Variants in GFM2 observed in about 807,000 individuals in gnomAD.
GFM2 encodes the protein GTP dependent ribosome recycling factor mitochondrial 2.
Under a neutral mutation model 95.4 loss-of-function variants are expected in GFM2, and 72 were observed. The observed-to-expected ratio is 0.76, with a 90% CI of 0.62 to 0.92. GFM2 has a LOEUF of 0.92. Ranked by LOEUF, GFM2 falls within the 40% of genes least tolerant of loss-of-function variation. The probability of loss-of-function intolerance (pLI) is 0.00; values close to 1 mark genes in which losing one functional copy is unlikely to be tolerated. For synonymous variants in GFM2, 276 were observed against 317.5 expected, an observed-to-expected ratio of 0.87 and a Z score of 1.39; for missense variants, 825 against 924.1, an observed-to-expected ratio of 0.89 and a Z score of 1.39.
chr5:74,756,988 G>A (rs1473102777), intron 5 of GFM2, among the ~76,000 whole-genome samples: 2 of 151,696 alleles, frequency 1.3e-5, no homozygotes, highest in African/African-American at 2.4e-5. Context: ...TTGGGTAATG[G>A]GTGCACCAAA....
chr5:74,722,600 T>C (rs375349328), intron 19 of GFM2, 39 bp from the exon 20 acceptor site: 29 of 1,523,236 alleles, frequency 1.9e-5, no homozygotes, highest in Non-Finnish European at 2.5e-5. Context: ...CTTTCATAAA[T>C]AAAAACTTAA....
At chr5:74,742,672 CT>C (rs112221111) in intron 10 of GFM2, among the ~76,000 whole-genome samples, 201 of 146,600 alleles carry the variant, frequency 1.4e-3, no homozygotes, top group Middle Eastern at 3.5e-3. Flanking sequence ...CCATTGTACT[CT>C]TTTTTTTTTT....
Position 74,746,301 on chromosome 5 carries a change from C to T in GFM2, c.609-136G>A, listed in dbSNP as rs544064339. 1,153 of 460,508 alleles carry T rather than the reference C, an allele frequency of 2.5e-3. 6 individuals are homozygous for T. Among genetic ancestry groups the T allele is most frequent in the Non-Finnish European group, 3.8e-3 (1,002 of 265,626 alleles). The allele number at this position is 460,508 out of a possible 1,614,324, so 28.5% of individuals were successfully genotyped here. A position where few individuals can be genotyped will look rare whatever the true frequency, so the allele number is the denominator to read the frequency against. ...TTAACTCACTTTATTCTCCTTAACG[C>T]TCACTATTTAACAGTTTTCCATAGG... is the stretch of plus-strand genomic sequence containing the variant. On this transcript the variant is annotated intron_variant, in intron 8 of 20. Transcript: ENST00000296805.
At chr5:74,759,034 T>C in intron 4 of GFM2, 88 bp from the exon 5 acceptor site, 1 of 771,190 alleles carries the variant, frequency 1.3e-6, no homozygotes, top group Non-Finnish European at 2.2e-6. Context: ...CTGGTATTTC[T>C]ATAATTTATA....
At chr5:74,734,256 T>C (rs62366376) in intron 15 of GFM2, among the ~76,000 whole-genome samples, 20,671 of 152,030 alleles carry the variant, frequency 0.14, 1,699 homozygotes, top group Admixed American at 0.2. Flanking sequence ...ATATTAATAA[T>C]TTTAATATTG....
rs1048167 is a variant in GFM2 at position 74,721,674 on chromosome 5, C to A, written c.2321G>T (p.Arg774Leu). ...NPQDQNTLLN[R>L]RSGLT ...AAACATTTAGGTCAAACCACTTCTCCGGTTGAGCAGTGTATTTTGATCTTG... is the reference window on the plus strand; with the variant it reads ...AAACATTTAGGTCAAACCACTTCTCAGGTTGAGCAGTGTATTTTGATCTTG... The change falls in exon 21 of 21, where the codon CGG becomes CTG. Residue 774 changes from arginine to leucine, a missense_variant. Coordinates refer to ENST00000296805, the MANE Select transcript of GFM2 (RefSeq NM_032380.5). 8 of 1,612,454 alleles carry A rather than the reference C, an allele frequency of 5.0e-6. No homozygotes were observed. The East Asian group carries it at 1.8e-4, about 36-fold the overall frequency.
At chr5:74,740,229 AC>A in intron 11 of GFM2, 92 bp from the exon 12 acceptor site, 1 of 982,454 alleles carries the variant, frequency 1.0e-6, no homozygotes, top group South Asian at 1.7e-5. Flanking sequence ...CAGCCATGTA[AC>A]CAGCACTCCT....
chr5:74,751,452 C>G lies in GFM2; in HGVS notation c.346G>C (p.Glu116Gln), dbSNP rs759487677. Reference sequence around the variant, plus strand: ...TGAATAGTAATGCCTCTTTCTCGCTCTTGGGCCATGAAATCTGTCACTGTG... The same window carrying G: ...TGAATAGTAATGCCTCTTTCTCGCTGTTGGGCCATGAAATCTGTCACTGTG... ...GDTVTDFMAQ[E>Q]RERGITIQSA... The change falls in exon 6 of 21, where the codon GAG becomes CAG. Residue 116 changes from glutamate (E) to glutamine (Q), a missense_variant. Glu to Gln is a conservative substitution (Grantham distance 29). Transcript: ENST00000296805. The G allele has an allele frequency of 6.2e-7, 1 of 1,610,576 alleles. No individual in the cohort carries two copies. The highest frequency in any genetic ancestry group is 8.5e-7 in the Non-Finnish European group (1 of 1,176,828).
intron 15 of GFM2, chr5:74,736,526 C>T (rs977358247): frequency 7.9e-7 from 1 of 1,272,334 alleles, no homozygotes; most frequent in Non-Finnish European, 9.9e-7. Context: ...AGTTCTAAGG[C>T]CAATTACTTA....
intron 18 of GFM2, 87 bp from the exon 19 acceptor site, chr5:74,725,842 C>T (rs1057291653): frequency 3.5e-6 from 5 of 1,445,330 alleles, no homozygotes; most frequent in Non-Finnish European, 4.8e-6. Context: ...GGAGAAAACA[C>T]TAACAAAGTT....
intron 5 of GFM2, among the ~76,000 whole-genome samples, chr5:74,752,866 C>T (rs1363942677): frequency 6.6e-6 from 1 of 152,132 alleles, no homozygotes. Flanking sequence ...AGGAGAGCCC[C>T]ACATCAAGGG....
chr5:74,733,319 C>T (rs1162537488), intron 15 of GFM2: 3 of 359,452 alleles, frequency 8.3e-6, no homozygotes, highest in South Asian at 5.1e-5. Flanking sequence ...GGCGAAACCC[C>T]GTCTTTACAA....
At chr5:74,761,508 C>T (rs1405552942) in intron 2 of GFM2, among the ~76,000 whole-genome samples, 1 of 152,136 alleles carries the variant, frequency 6.6e-6, no homozygotes, top group Admixed American at 6.5e-5. Flanking sequence ...ACTCTAAAAC[C>T]ATTAGTTGTT....
chr5:74,766,705 T>C (rs1744639352), intron 1 of GFM2, among the ~76,000 whole-genome samples: 1 of 152,218 alleles, frequency 6.6e-6, no homozygotes, highest in South Asian at 2.1e-4. Context: ...CATTCCTCAG[T>C]ATCCTTCACA....
chr5:74,740,275 T>C (rs2112271593), intron 11 of GFM2, 138 bp from the exon 12 acceptor site: 1 of 578,562 alleles, frequency 1.7e-6, no homozygotes, highest in Non-Finnish European at 3.0e-6. Context: ...GCTTAGTTTT[T>C]AACACTCATC....
At chr5:74,721,930 CT>C (rs1427664957) in intron 20 of GFM2, 147 bp from the exon 21 acceptor site, 1 of 701,016 alleles carries the variant, frequency 1.4e-6, no homozygotes, top group Non-Finnish European at 2.3e-6. Context: ...GATGATTTAA[CT>C]TTTTTCAGGG....
Position 74,736,947 on chromosome 5 carries a change from A to G in GFM2, c.1359T>C (p.Ser453=), listed in dbSNP as rs1554039350. The change falls in exon 15 of 21, where the codon AGT becomes AGC. Residue 453 remains serine, a synonymous_variant. Transcript: ENST00000296805. ...CGGCTCTACGAGCTGCAGCTAATGC[A>G]CTGGACTTGGATGAGACAATGGTGT... ...TGDTIVSSKS[S]ALAAARRAER... is the part of the protein sequence containing the mutation. The G allele has an allele frequency of 3.7e-6, 6 of 1,613,602 alleles. No individual in the cohort carries two copies. The African/African-American group carries it at 6.7e-5, about 18-fold the overall frequency.
At chr5:74,746,659 T>G (rs1270377634) in intron 8 of GFM2, among the ~76,000 whole-genome samples, 1 of 152,198 alleles carries the variant, frequency 6.6e-6, no homozygotes, top group African/African-American at 2.4e-5. Flanking sequence ...GCTGGCTACC[T>G]ATAGAACACA....
intron 14 of GFM2, 73 bp from the exon 15 acceptor site, chr5:74,737,058 T>G: frequency 2.1e-6 from 3 of 1,461,790 alleles, no homozygotes; most frequent in Non-Finnish European, 2.8e-6. Flanking sequence ...AGAACCACAA[T>G]ATAAGAAAAC....
Sources: gnomAD v4.1 joint callset for allele counts (sites outside exome capture counted in the v4.1 genomes callset) on GRCh38, gnomAD v4.1.1 for gene constraint, MANE v1.5 for transcripts, NCBI Gene and HGNC (gene_info 2026-07-23, HGNC 2026-07-21) for gene names.